Variants in MICAL3 observed in about 807,000 individuals in gnomAD.
MICAL3 encodes the protein microtubule associated monooxygenase, calponin and LIM domain containing 3.
A neutral mutation model predicts 207.4 loss-of-function variants in MICAL3; 62 were observed. That is an observed-to-expected ratio of 0.30 (90% confidence interval 0.24 to 0.37). The LOEUF is 0.37. Among genes scored for constraint, MICAL3 ranks in the 10% least tolerant of loss-of-function variants. The probability of loss-of-function intolerance (pLI) is 1.00; values close to 1 mark genes in which losing one functional copy is unlikely to be tolerated. For missense variants in MICAL3, 2,368 were observed against 2,635.6 expected (o/e 0.90, Z 2.22); for synonymous variants, 1,077 against 1,069.3 (o/e 1.01, Z -0.14).
chr22:17,997,443 C>A (rs1396803874), intron 1 of MICAL3, among the ~76,000 whole-genome samples: 2 of 152,114 alleles, frequency 1.3e-5, no homozygotes, highest in Non-Finnish European at 2.9e-5. Context: ...AAAGTAATGA[C>A]CCCCCACCTG....
intron 19 of MICAL3, among the ~76,000 whole-genome samples, chr22:17,854,140 G>C (rs374421608): frequency 2.0e-5 from 3 of 152,166 alleles, no homozygotes; most frequent in African/African-American, 7.2e-5. Context: ...CCTTAGTCTA[G>C]ATCCGTGATT....
intron 16 of MICAL3, among the ~76,000 whole-genome samples, chr22:17,885,155 A>G (rs1354578522): frequency 2.0e-5 from 3 of 152,198 alleles, no homozygotes; most frequent in Non-Finnish European, 4.4e-5. Context: ...GCTGCCATGC[A>G]CTCGCATGCA....
chr22:17,865,323 C>A (rs964176436), intron 18 of MICAL3, among the ~76,000 whole-genome samples: 2 of 152,142 alleles, frequency 1.3e-5, no homozygotes, highest in East Asian at 1.9e-4. Flanking sequence ...TCAAGGGGGA[C>A]TGACAGGCAG....
At chr22:17,808,268 G>A (rs979855143) in intron 29 of MICAL3, among the ~76,000 whole-genome samples, 3 of 152,354 alleles carry the variant, frequency 2.0e-5, no homozygotes, top group South Asian at 2.1e-4. Flanking sequence ...GCTCCACGTC[G>A]GCTGGTCACA....
At chr22:17,998,833 T>C (rs148864814) in intron 1 of MICAL3, among the ~76,000 whole-genome samples, 1,731 of 152,226 alleles carry the variant, frequency 0.011, 26 homozygotes, top group African/African-American at 0.04. Flanking sequence ...ATTACAGGTG[T>C]GAGCCACCGC....
At chr22:17,884,951 GGA>G (rs1020432779) in intron 16 of MICAL3, among the ~76,000 whole-genome samples, 1 of 152,184 alleles carries the variant, frequency 6.6e-6, no homozygotes, top group African/African-American at 2.4e-5. Context: ...TGGAAAAGAC[GGA>G]GAGAGAGAAG....
intron 28 of MICAL3, among the ~76,000 whole-genome samples, chr22:17,809,723 A>T (rs2062023697): frequency 6.6e-6 from 1 of 152,128 alleles, no homozygotes. Flanking sequence ...ATGGGAGGAG[A>T]GCTCTGACCT....
intron 19 of MICAL3, among the ~76,000 whole-genome samples, chr22:17,848,836 G>A (rs1924916149): frequency 6.6e-6 from 1 of 152,356 alleles, no homozygotes; most frequent in Admixed American, 6.5e-5. Context: ...ATCAACTTGG[G>A]CTTTTCTCCT....
At chr22:17,826,710 A>AAGAG (rs917524506) in intron 22 of MICAL3, among the ~76,000 whole-genome samples, 7 of 152,014 alleles carry the variant, frequency 4.6e-5, no homozygotes, top group African/African-American at 7.2e-5. Context: ...ATGAGAAGAG[A>AAGAG]AGAGGGAAAA....
chr22:17,940,359 C>T (rs980999728), intron 1 of MICAL3, among the ~76,000 whole-genome samples: 6 of 152,064 alleles, frequency 3.9e-5, no homozygotes, highest in East Asian at 1.9e-4. Flanking sequence ...GAGCTATGAT[C>T]GCACCATTGC....
In MICAL3 at chr22:17,895,367, C is replaced by T. The variant is rs1247339868; in HGVS notation, c.1366G>A (p.Val456Met). 1.2e-6 allele frequency: 2 copies of T among 1,613,798 alleles called. No homozygotes were observed. The highest frequency in any genetic ancestry group is 8.5e-7 in the Non-Finnish European group (1 of 1,179,824). ...RLLPQTTPEN[V>M]SKNFSQYSID... Reference sequence around the variant, plus strand: ...CTGTACTGGCTGAAGTTCTTACTCACATTCTCAGGGGTGGTCTGAGGCAGC... The same window carrying T: ...CTGTACTGGCTGAAGTTCTTACTCATATTCTCAGGGGTGGTCTGAGGCAGC... Residue 456 changes from valine (V) to methionine (M), a missense_variant, in exon 10 of 32, where the codon GTG becomes ATG. Val to Met is a conservative substitution (Grantham distance 21). Transcript: ENST00000441493.
chr22:17,797,006 C>T (rs146280418), intron 29 of MICAL3, among the ~76,000 whole-genome samples: 1 of 152,254 alleles, frequency 6.6e-6, no homozygotes, highest in East Asian at 1.9e-4. Flanking sequence ...AGACTCTTCA[C>T]CTTGGCACAC....
At chr22:17,858,985 T>C (rs1926225751) in intron 19 of MICAL3, among the ~76,000 whole-genome samples, 1 of 152,148 alleles carries the variant, frequency 6.6e-6, no homozygotes, top group Non-Finnish European at 1.5e-5. Flanking sequence ...CCCAATTCCT[T>C]CTCTCCCTTC....
chr22:17,925,761 G>A lies in MICAL3; in HGVS notation c.-74-18875C>T, dbSNP rs1053752849. Among the ~76,000 whole-genome samples the A allele has an allele frequency of 9.9e-5, 15 of 152,230 alleles. No individual in the cohort carries two copies. In the East Asian group the frequency reaches 2.9e-3, roughly 29 times the overall value. ...TTTTCCCGGCACCCCTCCTTCCACA[G>A]TGTCGGAAGGGTACTACTGCACAAA... is the stretch of plus-strand genomic sequence containing the variant. On this transcript the variant is annotated intron_variant, in intron 1 of 31. Transcript: ENST00000441493.
At chr22:17,936,471 T>A (rs542124787) in intron 1 of MICAL3, among the ~76,000 whole-genome samples, 2 of 152,028 alleles carry the variant, frequency 1.3e-5, no homozygotes, top group East Asian at 3.9e-4. Flanking sequence ...AAACACCTAA[T>A]GTAAATGATG....
chr22:17,893,924 T>C lies in MICAL3; in HGVS notation c.1450-20A>G. The C allele has an allele frequency of 1.3e-6, 2 of 1,516,658 alleles. No homozygotes were observed. The highest frequency in any genetic ancestry group is 2.4e-5 in the East Asian group (1 of 40,832). The allele number at this position is 1,516,658 out of a possible 1,614,324, so 94.0% of individuals were successfully genotyped here. On this transcript the variant is annotated intron_variant, in intron 10 of 31. Coordinates refer to ENST00000441493, the MANE Select transcript of MICAL3 (RefSeq NM_015241.3). ...GCGCACCTGGCAGAAATTTACAAAG[T>C]CAAACAGAAAGAAAATCAAATATCA... is the stretch of plus-strand genomic sequence containing the variant.
chr22:17,851,444 G>A (rs1372618774), intron 19 of MICAL3, among the ~76,000 whole-genome samples: 1 of 152,186 alleles, frequency 6.6e-6, no homozygotes, highest in East Asian at 1.9e-4. Flanking sequence ...GCTCTGCTGG[G>A]GAGAGGGATT....
At chr22:17,895,250 G>A (rs1215714923) in intron 10 of MICAL3, 34 bp downstream of exon 10, 6 of 1,608,946 alleles carry the variant, frequency 3.7e-6, no homozygotes, top group Non-Finnish European at 5.1e-6. Context: ...CCTGCAGATG[G>A]GCCCAGATGT....
chr22:17,855,381 C>G (rs1925781948), intron 19 of MICAL3, among the ~76,000 whole-genome samples: 1 of 152,206 alleles, frequency 6.6e-6, no homozygotes, highest in African/African-American at 2.4e-5. Context: ...AGTGTCAGCT[C>G]CACCTTCACT....
Sources: allele counts gnomAD v4.1 joint callset (sites outside exome capture counted in the v4.1 genomes callset), GRCh38; gene constraint gnomAD v4.1.1; transcripts MANE v1.5; gene names NCBI Gene and HGNC (gene_info 2026-07-23, HGNC 2026-07-21).